MORC1: variants seen among roughly 807,000 people sequenced by gnomAD.
MORC1 encodes the protein MORC family CW-type zinc finger protein 1.
MORC1 carries 59 observed loss-of-function variants against 134.9 expected under a neutral mutation model. That is an observed-to-expected ratio of 0.44 (90% confidence interval 0.35 to 0.54). MORC1 has a LOEUF of 0.54. MORC1 is among the 20% of genes least tolerant of loss of function. MORC1 has a pLI of 0.00. For missense variants in MORC1, 947 were observed against 1,134.5 expected (o/e 0.83, Z 2.37); for synonymous variants, 395 against 391.7 (o/e 1.01, Z -0.10).
At chr3:108,991,160 G>A (rs1004228101) in intron 21 of MORC1, among the ~76,000 whole-genome samples, 2 of 152,158 alleles carry the variant, frequency 1.3e-5, no homozygotes, top group African/African-American at 4.8e-5. Flanking sequence ...TTCTAAGTAT[G>A]AGCAGAAGCC....
At chr3:109,019,259 A>G (rs1948899847) in intron 17 of MORC1, 1 of 152,192 alleles carries the variant, frequency 6.6e-6, no homozygotes, top group Non-Finnish European at 1.5e-5. Context: ...TGTCCACCAC[A>G]TCCTGCTGCT....
At position 108,984,796 on chromosome 3, in the gene MORC1, T is replaced by C. The variant is rs1462827752; in HGVS notation, c.2258-14A>G. 9.4e-6 allele frequency: 15 copies of C among 1,597,032 alleles called. No individual in the cohort carries two copies. The highest frequency in any genetic ancestry group is 1.2e-5 in the Non-Finnish European group (14 of 1,173,948). ...GCTCCTGTTTTTCTTCAAAAGAACA[T>C]AGACAAACAATCGCATTTGGATGAT... On this transcript the variant is annotated splice_polypyrimidine_tract_variant and intron_variant, in intron 22 of 27. Transcript: ENST00000232603.
intron 14 of MORC1, among the ~76,000 whole-genome samples, chr3:109,040,178 T>A (rs1315129715): frequency 1.3e-5 from 2 of 151,328 alleles, no homozygotes; most frequent in Non-Finnish European, 2.9e-5. Context: ...ACTGTTAGAT[T>A]CAAATGTCCA....
intron 3 of MORC1, among the ~76,000 whole-genome samples, chr3:109,109,168 G>A (rs1225962303): frequency 6.6e-6 from 1 of 152,058 alleles, no homozygotes; most frequent in Non-Finnish European, 1.5e-5. Flanking sequence ...GACCACCCAT[G>A]AAAAGCTGTA....
intron 16 of MORC1, among the ~76,000 whole-genome samples, chr3:109,029,613 C>A (rs1271661184): frequency 6.6e-6 from 1 of 152,164 alleles, no homozygotes; most frequent in Non-Finnish European, 1.5e-5. Flanking sequence ...GTAATGGAAG[C>A]AAACTGATGG....
At chr3:109,095,147 C>A in intron 6 of MORC1, 79 bp from the exon 7 acceptor site, 1 of 1,324,780 alleles carries the variant, frequency 7.5e-7, no homozygotes. Context: ...TTTCATTCCA[C>A]TCTTCATCTA....
At chr3:109,035,024 T>C (rs1468984624) in intron 15 of MORC1, among the ~76,000 whole-genome samples, 10 of 152,116 alleles carry the variant, frequency 6.6e-5, no homozygotes, top group Non-Finnish European at 1.0e-4. Flanking sequence ...GCTAGGATTA[T>C]AGGCATGAGC....
intron 10 of MORC1, among the ~76,000 whole-genome samples, 182 bp downstream of exon 10, chr3:109,062,970 G>A (rs1950116923): frequency 6.6e-6 from 1 of 152,072 alleles, no homozygotes; most frequent in South Asian, 2.1e-4. Flanking sequence ...TTAATATCAT[G>A]AGTAAACAAA....
At chr3:109,001,537 C>G (rs1046013138) in intron 20 of MORC1, among the ~76,000 whole-genome samples, 9 of 152,320 alleles carry the variant, frequency 5.9e-5, no homozygotes, top group African/African-American at 2.2e-4. Flanking sequence ...GTTGGCTTCT[C>G]AACAGAATTT....
At chr3:109,068,078 T>G (rs1305089381) in intron 9 of MORC1, among the ~76,000 whole-genome samples, 1 of 152,196 alleles carries the variant, frequency 6.6e-6, no homozygotes, top group Admixed American at 6.5e-5. Context: ...GATGATAACC[T>G]AACACACAGT....
At chr3:109,112,375 T>G (rs951476394) in intron 2 of MORC1, among the ~76,000 whole-genome samples, 5 of 152,348 alleles carry the variant, frequency 3.3e-5, no homozygotes, top group Admixed American at 2.6e-4. Flanking sequence ...AAATATTGAA[T>G]ACAATGATAT....
chr3:109,103,809 T>A, intron 4 of MORC1, 40 bp downstream of exon 4: 2 of 1,524,590 alleles, frequency 1.3e-6, no homozygotes, highest in Non-Finnish European at 1.8e-6. Context: ...TCAGACTGTT[T>A]CCTTTAACAG....
At chr3:108,993,804 C>T (rs922789040) in intron 21 of MORC1, among the ~76,000 whole-genome samples, 2 of 152,058 alleles carry the variant, frequency 1.3e-5, no homozygotes, top group African/African-American at 4.8e-5. Context: ...TTTTTATCTG[C>T]TTTTAGGTTA....
chr3:108,984,834 T>C, intron 22 of MORC1, 52 bp from the exon 23 acceptor site: 1 of 1,444,640 alleles, frequency 6.9e-7, no homozygotes, highest in Non-Finnish European at 9.5e-7. Context: ...CACAATAAAC[T>C]GAACCAAAAG....
intron 8 of MORC1, among the ~76,000 whole-genome samples, chr3:109,072,966 T>TATAC (rs1950350386): frequency 7.3e-6 from 1 of 136,770 alleles, no homozygotes; most frequent in African/African-American, 3.4e-5. Context: ...CACACACACA[T>TATAC]ACACACACAC....
At chr3:109,100,838 T>C (rs1950912155) in intron 4 of MORC1, among the ~76,000 whole-genome samples, 1 of 152,194 alleles carries the variant, frequency 6.6e-6, no homozygotes, top group Admixed American at 6.5e-5. Context: ...ATAACAACTA[T>C]TTAATAGCAT....
intron 14 of MORC1, among the ~76,000 whole-genome samples, chr3:109,045,072 T>A (rs971492493): frequency 1.1e-4 from 17 of 152,196 alleles, no homozygotes; most frequent in African/African-American, 3.9e-4. Context: ...AATTCAATAG[T>A]AAACTACCAC....
intron 22 of MORC1, among the ~76,000 whole-genome samples, chr3:108,985,908 T>C (rs1947882566): frequency 6.6e-6 from 1 of 152,132 alleles, no homozygotes; most frequent in African/African-American, 2.4e-5. Context: ...TTGCAAATTA[T>C]TGTAATTAAG....
intron 26 of MORC1, among the ~76,000 whole-genome samples, chr3:108,967,994 T>C (rs1292493269): frequency 1.3e-5 from 2 of 152,328 alleles, no homozygotes; most frequent in South Asian, 2.1e-4. Flanking sequence ...AAAGAGATAG[T>C]GGTACCTACC....
Sources: allele counts gnomAD v4.1 joint callset (sites outside exome capture counted in the v4.1 genomes callset), GRCh38; gene constraint gnomAD v4.1.1; transcripts MANE v1.5; gene names NCBI Gene and HGNC (gene_info 2026-07-23, HGNC 2026-07-21).